Variants in DPP6 observed in about 807,000 individuals in gnomAD.
The protein encoded by DPP6 is dipeptidyl peptidase like 6.
In DPP6, 69 loss-of-function variants were observed where a neutral mutation model predicts 122.6. The observed-to-expected ratio is 0.56, with a 90% confidence interval of 0.46 to 0.69. The LOEUF (loss-of-function observed/expected upper bound fraction) is 0.69. Among genes scored for constraint, DPP6 ranks in the 30% least tolerant of loss-of-function variants. DPP6 has a pLI of 0.00. For missense variants in DPP6, 928 were observed against 1,116.9 expected, an observed-to-expected ratio of 0.83 and a Z score of 2.41; for synonymous variants, 418 against 433.1, an observed-to-expected ratio of 0.97 and a Z score of 0.43.
chr7:154,578,925 C>A (rs1831862295), intron 5 of DPP6, among the ~76,000 whole-genome samples: 1 of 152,180 alleles, frequency 6.6e-6, no homozygotes, highest in African/African-American at 2.4e-5. Flanking sequence ...AATAGCCATT[C>A]TTTTAAGTAG....
chr7:154,063,009 C>A (rs1276078694), intron 1 of DPP6, among the ~76,000 whole-genome samples: 3 of 136,510 alleles, frequency 2.2e-5, no homozygotes, highest in Admixed American at 7.6e-5. Context: ...CCTCTTCCCC[C>A]CCTGGCTCTG....
chr7:154,428,898 A>AC (rs1818127637), intron 1 of DPP6, among the ~76,000 whole-genome samples: 2 of 152,166 alleles, frequency 1.3e-5, no homozygotes, highest in Non-Finnish European at 2.9e-5. Flanking sequence ...ATTGGGTACA[A>AC]CGTACAGTGT....
intron 1 of DPP6, among the ~76,000 whole-genome samples, chr7:153,889,262 A>AT (rs1044211487): frequency 6.6e-6 from 1 of 151,852 alleles, no homozygotes; most frequent in Non-Finnish European, 1.5e-5. Flanking sequence ...TGCTTCCCTC[A>AT]TTTTTCCCAC....
At chr7:153,836,845 C>G in the DPP6 span, among the ~76,000 whole-genome samples, 3 of 152,288 alleles carry the variant, frequency 2.0e-5, no homozygotes, top group East Asian at 5.8e-4. Context: ...CAATATTAGA[C>G]TCACTCTGAC....
chr7:154,569,057 C>T (rs1028925463), intron 5 of DPP6, among the ~76,000 whole-genome samples: 2 of 152,060 alleles, frequency 1.3e-5, no homozygotes, highest in African/African-American at 4.8e-5. Context: ...TACCAAGATA[C>T]AATCCAAGTT....
At chr7:154,218,561 T>G (rs371646209) in intron 1 of DPP6, among the ~76,000 whole-genome samples, 7 of 152,336 alleles carry the variant, frequency 4.6e-5, no homozygotes, top group African/African-American at 1.7e-4. Flanking sequence ...TTTGATAGGC[T>G]CTTTGTGTAT....
the DPP6 span, among the ~76,000 whole-genome samples, chr7:153,768,581 A>G: frequency 6.6e-6 from 1 of 152,144 alleles, no homozygotes; most frequent in African/African-American, 2.4e-5. Context: ...GAGGTATCTC[A>G]GTGTGGTTTT....
chr7:154,308,965 C>A (rs1028563621), intron 1 of DPP6, among the ~76,000 whole-genome samples: 7 of 150,844 alleles, frequency 4.6e-5, no homozygotes, highest in East Asian at 1.9e-4. Flanking sequence ...TATGCACACA[C>A]AAACAAATGC....
intron 1 of DPP6, among the ~76,000 whole-genome samples, chr7:154,179,172 C>T (rs1172438985): frequency 3.3e-5 from 5 of 152,266 alleles, no homozygotes; most frequent in Admixed American, 6.5e-5. Context: ...GAGATGACCC[C>T]AGAGAGGAGG....
At chr7:154,463,755 G>C (rs201184456) in intron 2 of DPP6, among the ~76,000 whole-genome samples, 17,666 of 152,074 alleles carry the variant, frequency 0.12, 1,267 homozygotes, top group Admixed American at 0.23. Flanking sequence ...TCATCCCAGA[G>C]CTAGGACCTG....
At chr7:154,420,012 G>A (rs891438788) in intron 1 of DPP6, among the ~76,000 whole-genome samples, 6 of 152,276 alleles carry the variant, frequency 3.9e-5, no homozygotes, top group Admixed American at 3.3e-4. Flanking sequence ...AATGTGTTAT[G>A]TACATACAAT....
chr7:154,637,010 A>T (rs1249320196), intron 5 of DPP6, among the ~76,000 whole-genome samples: 1 of 152,174 alleles, frequency 6.6e-6, no homozygotes, highest in African/African-American at 2.4e-5. Flanking sequence ...AGTAACCCAC[A>T]TATTCCGTAT....
In DPP6 at chr7:154,867,975, C is replaced by A; in HGVS notation, c.1715-20C>A. On this transcript the variant is annotated intron_variant, in intron 17 of 25. Transcript: ENST00000377770. Reference sequence around the variant, plus strand: ...GAGTGACCACTGCATCTCAGTGTGTCCCTGTTTCCTCTCTTTCAGAAATGT... The same window carrying A: ...GAGTGACCACTGCATCTCAGTGTGTACCTGTTTCCTCTCTTTCAGAAATGT... 1 of 1,574,728 alleles carries A rather than the reference C, an allele frequency of 6.4e-7. No individual in the cohort carries two copies. Among genetic ancestry groups the A allele is most frequent in the Non-Finnish European group, 8.6e-7 (1 of 1,160,046 alleles).
chr7:154,080,275 A>G (rs1242650629), intron 1 of DPP6, among the ~76,000 whole-genome samples: 1 of 152,086 alleles, frequency 6.6e-6, no homozygotes, highest in Non-Finnish European at 1.5e-5. Flanking sequence ...CGTTGACTCT[A>G]ATCCTGCTCC....
At position 154,078,884 on chromosome 7, in the gene DPP6, T is replaced by A. The variant is rs568422609; in HGVS notation, c.243+25821T>A. Among the ~76,000 whole-genome samples, 1,212 of 148,294 alleles carry A rather than the reference T, an allele frequency of 8.2e-3. 11 individuals carry two copies. Among genetic ancestry groups the A allele is most frequent in the African/African-American group, 0.025 (1,009 of 40,320 alleles). ...CCTTCCAAAATGATTGTAGATTTTTTAAATTTTTTTAAATTCAAAACATTG... is the reference window on the plus strand; with the variant it reads ...CCTTCCAAAATGATTGTAGATTTTTAAAATTTTTTTAAATTCAAAACATTG... On this transcript the variant is annotated intron_variant, in intron 1 of 25. Transcript: ENST00000377770.
intron 8 of DPP6, among the ~76,000 whole-genome samples, chr7:154,756,306 GCGGCTTCCT>G (rs1843665022): frequency 6.6e-6 from 1 of 152,162 alleles, no homozygotes; most frequent in Non-Finnish European, 1.5e-5. Flanking sequence ...ATCTTCCCTT[GCGGCTTCCT>G]CTGCTCCCTC....
At chr7:154,666,403 G>T (rs1024908716) in intron 6 of DPP6, among the ~76,000 whole-genome samples, 2 of 150,848 alleles carry the variant, frequency 1.3e-5, no homozygotes, top group Non-Finnish European at 2.9e-5. Context: ...ATATTTACAG[G>T]GTACAATATG....
chr7:154,178,209 T>C (rs1233642855), intron 1 of DPP6, among the ~76,000 whole-genome samples: 1 of 152,170 alleles, frequency 6.6e-6, no homozygotes, highest in East Asian at 1.9e-4. Context: ...AATTTGAAGA[T>C]TAAACCTTTA....
chr7:154,787,687 C>CAAT (rs1277823112), intron 10 of DPP6, among the ~76,000 whole-genome samples: 1 of 151,942 alleles, frequency 6.6e-6, no homozygotes, highest in Admixed American at 6.6e-5. Flanking sequence ...AAGTATTTAC[C>CAAT]ATGTGTGAAG....
Sources: gnomAD v4.1 joint callset for allele counts (sites outside exome capture counted in the v4.1 genomes callset) on GRCh38, gnomAD v4.1.1 for gene constraint, MANE v1.5 for transcripts, NCBI Gene and HGNC (gene_info 2026-07-23, HGNC 2026-07-21) for gene names.